Variants in COL14A1 observed in about 807,000 individuals in gnomAD.
COL14A1 encodes the protein collagen alpha-1(XIV) chain.
COL14A1 carries 136 observed loss-of-function variants against 230.3 expected under a neutral mutation model. That is an observed-to-expected ratio of 0.59 (90% CI 0.51 to 0.68). COL14A1 has a LOEUF of 0.68. COL14A1 is among the 30% of genes least tolerant of loss of function. The pLI is 0.00. For missense variants in COL14A1, 1,976 were observed against 2,215.8 expected (o/e 0.89, Z 2.17); for synonymous variants, 792 against 784.1 (o/e 1.01, Z -0.17).
chr8:120,161,766 C>T (rs1166406733), intron 3 of COL14A1, among the ~76,000 whole-genome samples: 1 of 152,058 alleles, frequency 6.6e-6, no homozygotes, highest in Admixed American at 6.5e-5. Context: ...TGGGTTCAAA[C>T]GATTGTCCTG....
chr8:120,336,768 A>G (rs971328530), intron 42 of COL14A1, among the ~76,000 whole-genome samples: 8 of 152,160 alleles, frequency 5.3e-5, no homozygotes, highest in African/African-American at 1.9e-4. Flanking sequence ...TTCCTGAAAT[A>G]TATGCCATAC....
chr8:120,366,755 C>A (rs1394485074), intron 45 of COL14A1, among the ~76,000 whole-genome samples: 1 of 152,174 alleles, frequency 6.6e-6, no homozygotes, highest in Non-Finnish European at 1.5e-5. Flanking sequence ...ACAATTCATG[C>A]CTTTTGCAGA....
Position 120,243,909 on chromosome 8 carries a change from C to T in COL14A1, c.2380C>T (p.Leu794Phe). ...GGTGCCTGGAAGCCAGAACAACCTC[C>T]TTCTGAAGCCTCTGCTTCCTGATAC... ...VMVPGSQNNLLLKPLLPDTEY... is the reference protein window; with the variant it reads ...VMVPGSQNNLFLKPLLPDTEY... The change falls in exon 20 of 48, where the codon CTT (leucine) becomes TTT (phenylalanine). Residue 794 changes from leucine to phenylalanine, a missense_variant. Transcript: ENST00000297848. The T allele has an allele frequency of 6.2e-7, 1 of 1,613,668 alleles. No individual in the cohort carries two copies.
intron 5 of COL14A1, among the ~76,000 whole-genome samples, chr8:120,193,637 GCC>G (rs1816914409): frequency 6.6e-6 from 1 of 152,182 alleles, no homozygotes; most frequent in Non-Finnish European, 1.5e-5. Flanking sequence ...GTTTGTCTGT[GCC>G]CTGCCCCCAG....
chr8:120,371,334 C>A lies in COL14A1; in HGVS notation c.*103C>A. 1.5e-6 allele frequency: 1 copy of A among 671,490 alleles called. No homozygotes were observed. Among genetic ancestry groups the A allele is most frequent in the Non-Finnish European group, 2.5e-6 (1 of 403,478 alleles). 41.6% of individuals were successfully genotyped at this position (671,490 alleles called of 1,614,324 possible). On this transcript the variant is annotated 3_prime_UTR_variant, in exon 48 of 48. Coordinates refer to ENST00000297848, the MANE Select transcript of COL14A1 (RefSeq NM_021110.4). ...TGTATGCTACTTTTGGGGGGCAGGG[C>A]TCATTTCAGCAGCCTAAATCTCCTC...
At chr8:120,219,757 C>G (rs781484074) in intron 14 of COL14A1, among the ~76,000 whole-genome samples, 182 of 152,186 alleles carry the variant, frequency 1.2e-3, no homozygotes, top group Non-Finnish European at 2.0e-3. Flanking sequence ...TAGCCCCAGA[C>G]TAACATGTTT....
chr8:120,321,171 G>T (rs1821426193), intron 40 of COL14A1, among the ~76,000 whole-genome samples: 1 of 152,116 alleles, frequency 6.6e-6, no homozygotes. Context: ...AGCATTTTGG[G>T]GCAATAGGAA....
At position 120,198,029 on chromosome 8, in the gene COL14A1, A is replaced by G. The variant is rs114149219; in HGVS notation, c.712+99A>G. ...TTGTAAGCGTTATCATAATGTTTTA[A>G]TTAAACTAGCACTTAGGATTCTTTG... On this transcript the variant is annotated intron_variant, in intron 7 of 47. Transcript: ENST00000297848. 1,773 of 1,202,604 alleles carry G rather than the reference A, an allele frequency of 1.5e-3. 23 individuals carry two copies. In the African/African-American group the frequency reaches 0.023, roughly 15 times the overall value. 74.5% of individuals were successfully genotyped at this position (1,202,604 alleles called of 1,614,324 possible). A position where few individuals can be genotyped will look rare whatever the true frequency, so the allele number is the denominator to read the frequency against.
rs561206875 is a variant in COL14A1 at position 120,134,847 on chromosome 8, TG to T, written c.-38+9508del. 2.0e-5 allele frequency among the ~76,000 whole-genome samples: 3 copies of T among 152,238 alleles called. No individual in the cohort carries two copies. In the East Asian group the frequency reaches 5.8e-4, roughly 29 times the overall value. ...AAAAACAGTTGGGTATGGTGGTGCATGCCTGTAATCCCAGCTATTTGGGAGG... is the reference window on the plus strand; with the variant it reads ...AAAAACAGTTGGGTATGGTGGTGCATCCTGTAATCCCAGCTATTTGGGAGG... On this transcript the variant is annotated intron_variant, in intron 1 of 47. Transcript: ENST00000297848.
chr8:120,217,079 A>G (rs1196585390), intron 14 of COL14A1, among the ~76,000 whole-genome samples: 1 of 152,118 alleles, frequency 6.6e-6, no homozygotes, highest in Non-Finnish European at 1.5e-5. Context: ...AGAGAAGAAG[A>G]TATTCATTGA....
intron 5 of COL14A1, among the ~76,000 whole-genome samples, chr8:120,193,640 C>A (rs1816914706): frequency 6.6e-6 from 1 of 152,200 alleles, no homozygotes; most frequent in Non-Finnish European, 1.5e-5. Context: ...TGTCTGTGCC[C>A]TGCCCCCAGA....
chr8:120,360,389 T>C (rs1359682324), intron 45 of COL14A1, among the ~76,000 whole-genome samples: 1 of 152,170 alleles, frequency 6.6e-6, no homozygotes, highest in Non-Finnish European at 1.5e-5. Context: ...ACACAAAGCT[T>C]GTCATGCCCT....
chr8:120,308,848 T>A (rs1347352144), intron 36 of COL14A1, among the ~76,000 whole-genome samples: 1 of 152,216 alleles, frequency 6.6e-6, no homozygotes, highest in East Asian at 1.9e-4. Flanking sequence ...ATAAATTCTG[T>A]CTAGTGCCCA....
In COL14A1 at chr8:120,243,737, A is replaced by G. The variant is rs1586798224; in HGVS notation, c.2350-142A>G. 8.8e-6 allele frequency: 8 copies of G among 905,822 alleles called. No individual in the cohort carries two copies. The East Asian group carries it at 2.2e-4, about 25-fold the overall frequency. 56.1% of individuals were successfully genotyped at this position (905,822 alleles called of 1,614,324 possible). On this transcript the variant is annotated intron_variant, in intron 19 of 47. Coordinates refer to ENST00000297848, the MANE Select transcript of COL14A1 (RefSeq NM_021110.4). ...GAATTTCAGGGAGAAACGCTTTTGC[A>G]TGAGTGCCCTTTCTTTTCTCCTCAC...
intron 4 of COL14A1, among the ~76,000 whole-genome samples, chr8:120,164,059 A>G (rs1406240531): frequency 6.6e-6 from 1 of 152,162 alleles, no homozygotes; most frequent in Non-Finnish European, 1.5e-5. Flanking sequence ...AGCCTAGTTA[A>G]CTTTCTGTTA....
chr8:120,272,164 G>C (rs1819687550), intron 26 of COL14A1, among the ~76,000 whole-genome samples: 1 of 151,198 alleles, frequency 6.6e-6, no homozygotes, highest in Admixed American at 6.6e-5. Flanking sequence ...CAAAATAACT[G>C]TCAGCCAAGA....
intron 8 of COL14A1, among the ~76,000 whole-genome samples, chr8:120,200,718 TATATATATATATA>T (rs1563668008): frequency 2.8e-3 from 15 of 5,382 alleles, no homozygotes; most frequent in African/African-American, 0.014. Flanking sequence ...TTCCTATTTA[TATATATATATATA>T]TATATATATA....
At chr8:120,289,887 A>G (rs1820320430) in intron 34 of COL14A1, 121 bp downstream of exon 34, 2 of 1,001,614 alleles carry the variant, frequency 2.0e-6, no homozygotes, top group Non-Finnish European at 2.9e-6. Flanking sequence ...TGGATGGATG[A>G]ATGAATGGAT....
intron 40 of COL14A1, among the ~76,000 whole-genome samples, chr8:120,321,692 C>T (rs1821450044): frequency 1.3e-5 from 2 of 151,922 alleles, no homozygotes; most frequent in Admixed American, 6.6e-5. Context: ...GGGACACAGG[C>T]ATGGTACAAA....
Sources: gnomAD v4.1 joint callset for allele counts (sites outside exome capture counted in the v4.1 genomes callset) on GRCh38, gnomAD v4.1.1 for gene constraint, MANE v1.5 for transcripts, NCBI Gene and HGNC (gene_info 2026-07-23, HGNC 2026-07-21) for gene names.